The following KHDRBS3 variants were observed in gnomAD, a reference collection of about 807,000 sequenced individuals.
KHDRBS3 encodes the protein KH RNA binding domain containing, signal transduction associated 3, also known as KH domain-containing, RNA-binding, signal transduction-associated protein 3.
Under a neutral mutation model 45.6 loss-of-function variants are expected in KHDRBS3, and 23 were observed. That is an observed-to-expected ratio of 0.50 (90% confidence interval 0.36 to 0.72). The LOEUF (loss-of-function observed/expected upper bound fraction) is 0.72. KHDRBS3 is among the 30% of genes least tolerant of loss of function. KHDRBS3 has a pLI of 0.00. For synonymous variants in KHDRBS3, 162 were observed against 156.5 expected, an observed-to-expected ratio of 1.04 and a Z score of -0.26; for missense variants, 352 against 424.8, an observed-to-expected ratio of 0.83 and a Z score of 1.51.
At chr8:135,638,974 A>G (rs1374413150) in intron 7 of KHDRBS3, among the ~76,000 whole-genome samples, 1 of 152,028 alleles carries the variant, frequency 6.6e-6, no homozygotes, top group African/African-American at 2.4e-5. Context: ...TCTCAAAAAA[A>G]AAAAAAAAAA....
intron 1 of KHDRBS3, among the ~76,000 whole-genome samples, chr8:135,513,065 T>A (rs1299684815): frequency 6.6e-6 from 1 of 152,062 alleles, no homozygotes; most frequent in Non-Finnish European, 1.5e-5. Flanking sequence ...CTGGGCGCAG[T>A]GGCAGGCACC....
chr8:135,641,739 G>A (rs1831067368), intron 7 of KHDRBS3, among the ~76,000 whole-genome samples: 1 of 152,206 alleles, frequency 6.6e-6, no homozygotes, highest in Non-Finnish European at 1.5e-5. Flanking sequence ...AAAGGCCCAG[G>A]CCTTGACTGA....
intron 6 of KHDRBS3, among the ~76,000 whole-genome samples, chr8:135,599,751 G>A (rs945567564): frequency 1.3e-5 from 2 of 152,236 alleles, no homozygotes; most frequent in African/African-American, 4.8e-5. Context: ...TGGTTATCAT[G>A]GACGCAGGAA....
intron 7 of KHDRBS3, among the ~76,000 whole-genome samples, chr8:135,615,918 T>C (rs1298782626): frequency 6.6e-6 from 1 of 152,214 alleles, no homozygotes; most frequent in East Asian, 1.9e-4. Context: ...GAAGCAAGAC[T>C]GAGCTTCTCA....
chr8:135,506,772 G>A (rs1052504890), intron 1 of KHDRBS3, among the ~76,000 whole-genome samples: 2 of 152,072 alleles, frequency 1.3e-5, no homozygotes, highest in East Asian at 3.8e-4. Context: ...CTTCAACTCA[G>A]TAATTTGTAC....
chr8:135,501,882 T>C (rs1823753002), intron 1 of KHDRBS3, among the ~76,000 whole-genome samples: 1 of 152,192 alleles, frequency 6.6e-6, no homozygotes, highest in Non-Finnish European at 1.5e-5. Flanking sequence ...CTTGGCCTTA[T>C]AACGTATGAA....
At chr8:135,501,642 T>C (rs529328055) in intron 1 of KHDRBS3, among the ~76,000 whole-genome samples, 101 of 152,178 alleles carry the variant, frequency 6.6e-4, no homozygotes, top group Admixed American at 1.8e-3. Flanking sequence ...TTTTTACCAG[T>C]TATCCAAAAA....
chr8:135,626,778 T>G (rs1042526771), intron 7 of KHDRBS3, among the ~76,000 whole-genome samples: 4 of 80,464 alleles, frequency 5.0e-5, no homozygotes, highest in Non-Finnish European at 7.7e-5. Context: ...CACTCCAACC[T>G]GGGAGACACA....
chr8:135,648,875 A>G (rs1831372821), downstream of KHDRBS3, among the ~76,000 whole-genome samples: 1 of 150,344 alleles, frequency 6.7e-6, no homozygotes. Flanking sequence ...CTAGCAGTCT[A>G]GTCAATAGCA....
intron 6 of KHDRBS3, among the ~76,000 whole-genome samples, chr8:135,603,606 T>G (rs1283433056): frequency 6.6e-6 from 1 of 152,212 alleles, no homozygotes; most frequent in Non-Finnish European, 1.5e-5. Context: ...TACATTCTCA[T>G]CAAAGTACAA....
chr8:135,640,650 T>C (rs1174467361), intron 7 of KHDRBS3, among the ~76,000 whole-genome samples: 2 of 152,114 alleles, frequency 1.3e-5, no homozygotes, highest in Non-Finnish European at 2.9e-5. Flanking sequence ...TTTGACCCGT[T>C]GTAACGGGGT....
downstream of KHDRBS3, chr8:135,647,836 TGA>T (rs1218629985): frequency 6.6e-6 from 1 of 152,244 alleles, no homozygotes; most frequent in African/African-American, 2.4e-5. Flanking sequence ...TCGAGCTGCT[TGA>T]GTGGCACGTT....
intron 1 of KHDRBS3, among the ~76,000 whole-genome samples, chr8:135,469,525 T>TTG (rs1394373864): frequency 3.9e-4 from 6 of 15,566 alleles, no homozygotes; most frequent in East Asian, 0.011. Context: ...TTGTTTTGGT[T>TTG]TTTTTTTTTT....
intron 1 of KHDRBS3, among the ~76,000 whole-genome samples, chr8:135,518,110 G>A (rs1824712899): frequency 1.3e-5 from 2 of 152,082 alleles, no homozygotes; most frequent in African/African-American, 4.8e-5. Context: ...TGAATTAATG[G>A]ATTTAAATAT....
intron 1 of KHDRBS3, among the ~76,000 whole-genome samples, chr8:135,486,956 T>A (rs544457958): frequency 1.3e-5 from 2 of 152,352 alleles, no homozygotes; most frequent in South Asian, 4.1e-4. Context: ...AGCTAATGTT[T>A]GGACAAAATT....
intron 2 of KHDRBS3, chr8:135,538,717 A>G (rs1825897384): frequency 6.6e-6 from 1 of 152,218 alleles, no homozygotes; most frequent in African/African-American, 2.4e-5. Flanking sequence ...AGGGCACTGT[A>G]TGATGACACC....
chr8:135,598,210 G>T (rs1246935610), intron 6 of KHDRBS3, among the ~76,000 whole-genome samples: 2 of 152,178 alleles, frequency 1.3e-5, no homozygotes, highest in Non-Finnish European at 2.9e-5. Context: ...ACCTTGGATA[G>T]CTTTGATTTT....
intron 2 of KHDRBS3, among the ~76,000 whole-genome samples, chr8:135,528,007 G>A (rs754193190): frequency 1.3e-5 from 2 of 152,142 alleles, no homozygotes; most frequent in Non-Finnish European, 2.9e-5. Context: ...TTTTTGTACT[G>A]TGATTGTGAT....
chr8:135,555,202 A>C (rs1434761276), intron 4 of KHDRBS3, among the ~76,000 whole-genome samples: 4 of 152,150 alleles, frequency 2.6e-5, no homozygotes, highest in Non-Finnish European at 5.9e-5. Context: ...ATATCTTCTT[A>C]TCCTCCTCAG....
Sources: gnomAD v4.1 joint callset for allele counts (sites outside exome capture counted in the v4.1 genomes callset) on GRCh38, gnomAD v4.1.1 for gene constraint, MANE v1.5 for transcripts, NCBI Gene and HGNC (gene_info 2026-07-23, HGNC 2026-07-21) for gene names.